The following IL1RAPL1 variants were observed in gnomAD, a reference collection of about 807,000 sequenced individuals.
The protein encoded by IL1RAPL1 is interleukin 1 receptor accessory protein like 1.
IL1RAPL1 carries 3 observed loss-of-function variants against 48.4 expected under a neutral mutation model. The observed-to-expected ratio is 0.06, with a 90% CI of 0.03 to 0.16. The LOEUF is 0.16. IL1RAPL1 is among the 10% of genes least tolerant of loss of function. IL1RAPL1 has a pLI of 1.00. For synonymous variants in IL1RAPL1, 185 were observed against 187.7 expected (o/e 0.99, Z 0.12); for missense variants, 349 against 530.6 (o/e 0.66, Z 3.36).
intron 2 of IL1RAPL1, among the ~76,000 whole-genome samples, chrX:28,829,178 A>G (rs993925989): frequency 9.0e-6 from 1 of 111,627 alleles, no homozygotes; most frequent in Non-Finnish European, 1.9e-5. Context: ...AAATTATTCT[A>G]TATTAATTTT....
At chrX:28,680,399 A>G (rs1935046180) in intron 1 of IL1RAPL1, among the ~76,000 whole-genome samples, 1 of 111,506 alleles carries the variant, frequency 9.0e-6, no homozygotes, top group Admixed American at 9.5e-5. Context: ...CATGTCATCT[A>G]CAAACAGGGA....
intron 1 of IL1RAPL1, among the ~76,000 whole-genome samples, chrX:28,776,813 A>G (rs1212610185): frequency 1.8e-5 from 2 of 111,920 alleles, no homozygotes; most frequent in Middle Eastern, 4.6e-3. Flanking sequence ...TGGCACATAG[A>G]AAGTGCTCAA....
intron 2 of IL1RAPL1, among the ~76,000 whole-genome samples, chrX:29,181,146 C>G (rs1323620428): frequency 9.0e-6 from 1 of 111,521 alleles, no homozygotes; most frequent in Non-Finnish European, 1.9e-5. Context: ...AGGAGTTTAC[C>G]TGGCCTCTTT....
chrX:29,538,315 C>A (rs1274940497), intron 5 of IL1RAPL1, among the ~76,000 whole-genome samples: 1 of 99,999 alleles, frequency 1.0e-5, no homozygotes, highest in African/African-American at 3.7e-5. Flanking sequence ...TATATATAAT[C>A]TTAAAGGTTT....
chrX:29,899,563 A>AGAT (rs1273017316), intron 6 of IL1RAPL1, among the ~76,000 whole-genome samples: 1 of 102,732 alleles, frequency 9.7e-6, no homozygotes, highest in Non-Finnish European at 2.0e-5. Flanking sequence ...TTTTTTTTTG[A>AGAT]GATGGAGTCT....
chrX:29,322,231 TTCTG>T (rs1298715218), intron 3 of IL1RAPL1, among the ~76,000 whole-genome samples: 1 of 110,119 alleles, frequency 9.1e-6, no homozygotes, highest in Non-Finnish European at 1.9e-5. Context: ...CTGTCTTTCT[TTCTG>T]TCTTTCTGTC....
intron 2 of IL1RAPL1, among the ~76,000 whole-genome samples, chrX:29,106,825 A>T (rs1928457338): frequency 9.0e-6 from 1 of 111,331 alleles, no homozygotes; most frequent in South Asian, 3.7e-4. Context: ...TTTTTATTTT[A>T]TATTTTCTTG....
intron 6 of IL1RAPL1, among the ~76,000 whole-genome samples, chrX:29,871,399 A>G (rs1931796265): frequency 8.9e-6 from 1 of 112,423 alleles, no homozygotes; most frequent in Non-Finnish European, 1.9e-5. Context: ...AGAACAGATG[A>G]GAGTCTCATA....
chrX:28,983,431 T>C (rs1925390192), intron 2 of IL1RAPL1, among the ~76,000 whole-genome samples: 1 of 112,075 alleles, frequency 8.9e-6, no homozygotes, highest in African/African-American at 3.2e-5. Flanking sequence ...TCAATATTCC[T>C]CTAGCAGTGC....
chrX:29,229,249 C>T (rs1205802850), intron 2 of IL1RAPL1, among the ~76,000 whole-genome samples: 2 of 110,734 alleles, frequency 1.8e-5, no homozygotes, highest in Non-Finnish European at 3.8e-5. Context: ...ATTAGAAACC[C>T]AATGTCAGTC....
At chrX:28,606,890 G>A (rs1225123063) in intron 1 of IL1RAPL1, among the ~76,000 whole-genome samples, 2 of 110,784 alleles carry the variant, frequency 1.8e-5, no homozygotes, top group Non-Finnish European at 3.8e-5. Flanking sequence ...TTTATAAATA[G>A]AAAAAAATAA....
At chrX:28,693,258 T>A (rs1935198035) in intron 1 of IL1RAPL1, among the ~76,000 whole-genome samples, 1 of 112,032 alleles carries the variant, frequency 8.9e-6, no homozygotes, top group Non-Finnish European at 1.9e-5. Flanking sequence ...TGGCTGATAC[T>A]GTTCTGTGAG....
At chrX:28,756,073 A>G (rs937428472) in intron 1 of IL1RAPL1, among the ~76,000 whole-genome samples, 1 of 111,119 alleles carries the variant, frequency 9.0e-6, no homozygotes, top group African/African-American at 3.3e-5. Context: ...TTCTTCCTCT[A>G]TTTATTTAAT....
chrX:29,546,178 A>G (rs1921621696), intron 5 of IL1RAPL1, among the ~76,000 whole-genome samples: 1 of 111,894 alleles, frequency 8.9e-6, no homozygotes, highest in Non-Finnish European at 1.9e-5. Context: ...ATCTAGACCA[A>G]TAGAATTTAA....
chrX:29,644,775 C>G (rs946943793), intron 5 of IL1RAPL1, among the ~76,000 whole-genome samples: 5 of 112,141 alleles, frequency 4.5e-5, no homozygotes, highest in African/African-American at 1.6e-4. Flanking sequence ...CCATGGCAGC[C>G]AGGCTGGTCT....
chrX:28,917,832 A>G (rs1378312062), intron 2 of IL1RAPL1, among the ~76,000 whole-genome samples: 1 of 112,411 alleles, frequency 8.9e-6, no homozygotes, highest in Non-Finnish European at 1.9e-5. Flanking sequence ...GTACATTCAC[A>G]TTGTTATGCA....
intron 6 of IL1RAPL1, among the ~76,000 whole-genome samples, chrX:29,725,697 A>G (rs1269709339): frequency 8.9e-6 from 1 of 111,880 alleles, no homozygotes. Context: ...AGAACTCAAC[A>G]TTCCTAAAGA....
At chrX:29,820,658 C>T (rs1242741717) in intron 6 of IL1RAPL1, among the ~76,000 whole-genome samples, 1 of 111,914 alleles carries the variant, frequency 8.9e-6, no homozygotes, top group African/African-American at 3.2e-5. Flanking sequence ...CCCTCCCATC[C>T]TCCTAGGACA....
intron 1 of IL1RAPL1, among the ~76,000 whole-genome samples, chrX:28,646,642 G>A (rs1287581729): frequency 8.9e-6 from 1 of 112,112 alleles, no homozygotes; most frequent in Admixed American, 9.5e-5. Flanking sequence ...TGCTGAAAGC[G>A]ATAAATTGGT....
Sources: allele counts gnomAD v4.1 joint callset (sites outside exome capture counted in the v4.1 genomes callset), GRCh38; gene constraint gnomAD v4.1.1; transcripts MANE v1.5; gene names NCBI Gene and HGNC (gene_info 2026-07-23, HGNC 2026-07-21).